ELF2: variants seen among roughly 807,000 people sequenced by gnomAD.
ELF2 encodes the protein ETS-related transcription factor Elf-2.
In ELF2, 11 loss-of-function variants were observed where a neutral mutation model predicts 54.8. That is an observed-to-expected ratio of 0.20 (90% CI 0.13 to 0.33). The LOEUF (loss-of-function observed/expected upper bound fraction) is 0.33. Ranked by LOEUF, ELF2 falls within the 10% of genes least tolerant of loss-of-function variation. The pLI is 1.00. For synonymous variants in ELF2, 203 were observed against 245.1 expected, an observed-to-expected ratio of 0.83 and a Z score of 1.61; for missense variants, 513 against 703.0, an observed-to-expected ratio of 0.73 and a Z score of 3.06.
intron 4 of ELF2, among the ~76,000 whole-genome samples, chr4:139,102,897 T>A (rs1424704133): frequency 6.6e-6 from 1 of 151,984 alleles, no homozygotes; most frequent in African/African-American, 2.4e-5. Context: ...GTTTTTTTTT[T>A]TCCCCCCTGA....
intron 4 of ELF2, among the ~76,000 whole-genome samples, chr4:139,097,257 G>T (rs888894399): frequency 6.6e-6 from 1 of 152,058 alleles, no homozygotes; most frequent in African/African-American, 2.4e-5. Flanking sequence ...TTGAACTCCC[G>T]GGCTCAGGTG....
At chr4:139,082,494 A>G (rs1051982767) in intron 4 of ELF2, among the ~76,000 whole-genome samples, 2 of 152,190 alleles carry the variant, frequency 1.3e-5, no homozygotes, top group South Asian at 4.1e-4. Flanking sequence ...AACCTCTGAA[A>G]CACATATTTT....
rs1199835626 is a variant in ELF2 at position 139,073,537 on chromosome 4, T to G, written c.269A>C (p.His90Pro). 3.1e-6 allele frequency: 5 copies of G among 1,595,208 alleles called. No individual in the cohort carries two copies. The highest frequency in any genetic ancestry group is 4.5e-5 in the East Asian group (2 of 44,542). The change falls in exon 5 of 10, where the codon CAC (histidine) becomes CCC (proline). Residue 90 changes from histidine (H) to proline (P), a missense_variant. Coordinates refer to ENST00000686138, the MANE Select transcript of ELF2 (RefSeq NM_001331036.3). ...AGCTTCAATTGTCTTATCTGTACAG[T>G]GTGCATTACTGCTGTGAACTGATGC... ...VEASVHSSNAHCTDKTIEAAE... is the reference protein window; with the variant it reads ...VEASVHSSNAPCTDKTIEAAE...
intron 2 of ELF2, among the ~76,000 whole-genome samples, chr4:139,138,363 G>A (rs957048199): frequency 2.6e-5 from 4 of 151,666 alleles, no homozygotes; most frequent in African/African-American, 9.7e-5. Context: ...GTTGCAGTAA[G>A]CCAAGATGGC....
intron 4 of ELF2, among the ~76,000 whole-genome samples, chr4:139,102,631 A>G (rs1331510789): frequency 6.6e-6 from 1 of 151,738 alleles, no homozygotes; most frequent in African/African-American, 2.4e-5. Context: ...ATCTGAGGTC[A>G]GGAGTTTTAG....
At chr4:139,072,260 C>T in intron 5 of ELF2, 1 of 466,194 alleles carries the variant, frequency 2.1e-6, no homozygotes. Flanking sequence ...TGTTAATCCT[C>T]TGGGTAAGGC....
intron 4 of ELF2, among the ~76,000 whole-genome samples, chr4:139,103,760 C>T (rs947928243): frequency 6.6e-6 from 1 of 152,234 alleles, no homozygotes; most frequent in African/African-American, 2.4e-5. Context: ...ACAGAACTGA[C>T]TGACTAGTTT....
At chr4:139,093,719 G>T (rs1487012281) in intron 4 of ELF2, among the ~76,000 whole-genome samples, 1 of 151,932 alleles carries the variant, frequency 6.6e-6, no homozygotes, top group South Asian at 2.1e-4. Context: ...AACACAAAAG[G>T]AATAGAAGAC....
At chr4:139,122,140 A>G (rs1195714010) in intron 4 of ELF2, among the ~76,000 whole-genome samples, 1 of 152,200 alleles carries the variant, frequency 6.6e-6, no homozygotes, top group Non-Finnish European at 1.5e-5. Flanking sequence ...AATAAATATA[A>G]CATCTTTTAG....
At chr4:139,166,430 T>A (rs538478560) in intron 1 of ELF2, among the ~76,000 whole-genome samples, 5 of 152,008 alleles carry the variant, frequency 3.3e-5, no homozygotes, top group Non-Finnish European at 7.4e-5. Context: ...AATAAAAATA[T>A]CTGCAATCAG....
intron 1 of ELF2, chr4:139,155,562 TAGTG>T (rs1740440400): frequency 6.6e-6 from 1 of 152,168 alleles, no homozygotes; most frequent in Admixed American, 6.5e-5. Flanking sequence ...CTGGACAACA[TAGTG>T]AGACTGCATC....
chr4:139,150,816 A>T (rs921905831), intron 1 of ELF2, among the ~76,000 whole-genome samples: 3 of 151,838 alleles, frequency 2.0e-5, no homozygotes. Flanking sequence ...AGGTCAGGAG[A>T]TTGAGACCAT....
At chr4:139,127,578 T>C (rs1384712451) in intron 3 of ELF2, among the ~76,000 whole-genome samples, 3 of 152,056 alleles carry the variant, frequency 2.0e-5, no homozygotes, top group Non-Finnish European at 4.4e-5. Flanking sequence ...GAAATTATAA[T>C]ACATAAGTCA....
At chr4:139,151,032 A>AAAAGAAAGAAAG (rs71600182) in intron 1 of ELF2, among the ~76,000 whole-genome samples, 1,464 of 102,462 alleles carry the variant, frequency 0.014, 43 homozygotes, top group African/African-American at 0.022. Context: ...TCAAAAAAAA[A>AAAAGAAAGAAAG]AAAGAAAGAA....
At chr4:139,164,932 A>C (rs1391326105) in intron 1 of ELF2, among the ~76,000 whole-genome samples, 1 of 152,098 alleles carries the variant, frequency 6.6e-6, no homozygotes. Context: ...TTTCTCTATA[A>C]TATGGTGTAC....
intron 4 of ELF2, among the ~76,000 whole-genome samples, chr4:139,082,617 G>A (rs1471489805): frequency 6.6e-6 from 1 of 152,160 alleles, no homozygotes; most frequent in Non-Finnish European, 1.5e-5. Context: ...ATGTGTTCAT[G>A]ATTTCCCCCA....
At chr4:139,102,691 A>G (rs894908283) in intron 4 of ELF2, among the ~76,000 whole-genome samples, 1 of 141,554 alleles carries the variant, frequency 7.1e-6, no homozygotes, top group African/African-American at 2.6e-5. Context: ...AAATAAAAAA[A>G]TTAGCCAGGC....
chr4:139,133,357 C>T (rs1737747421), intron 3 of ELF2, among the ~76,000 whole-genome samples: 1 of 152,096 alleles, frequency 6.6e-6, no homozygotes, highest in Non-Finnish European at 1.5e-5. Context: ...TTACATTTCC[C>T]TGATAGTTAA....
rs762683754 is a variant in ELF2, at chr4:139,072,056, A to G, written c.353-17T>C. 6.2e-7 allele frequency: 1 copy of G among 1,606,048 alleles called. No homozygotes were observed. The highest frequency in any genetic ancestry group is 1.1e-5 in the South Asian group (1 of 89,542). On this transcript the variant is annotated splice_polypyrimidine_tract_variant and intron_variant, in intron 5 of 9. Transcript: ENST00000686138. ...ACACTTCCACTATAAAAAAAAGTTG[A>G]AAAATTAAAATTTCCCACCCCCATC...
Sources: allele counts gnomAD v4.1 joint callset (sites outside exome capture counted in the v4.1 genomes callset), GRCh38; gene constraint gnomAD v4.1.1; transcripts MANE v1.5; gene names NCBI Gene and HGNC (gene_info 2026-07-23, HGNC 2026-07-21).